The following SLC24A3 variants were observed in gnomAD, a reference collection of about 807,000 sequenced individuals.
SLC24A3 encodes the protein sodium/potassium/calcium exchanger 3.
In SLC24A3, 28 loss-of-function variants were observed where a neutral mutation model predicts 75.8. The observed-to-expected ratio is 0.37, with a 90% CI of 0.27 to 0.51. The LOEUF (loss-of-function observed/expected upper bound fraction) is 0.51, where lower values mean the gene tolerates loss of function less well. SLC24A3 is among the 20% of genes least tolerant of loss of function. The pLI, the probability that SLC24A3 is intolerant of heterozygous loss-of-function variation, is 0.94. For missense variants in SLC24A3, 663 were observed against 847.8 expected, an observed-to-expected ratio of 0.78 and a Z score of 2.71; for synonymous variants, 372 against 334.1, an observed-to-expected ratio of 1.11 and a Z score of -1.24.
chr20:19,271,843 G>A (rs1374716773), intron 1 of SLC24A3, among the ~76,000 whole-genome samples: 3 of 152,246 alleles, frequency 2.0e-5, no homozygotes, highest in South Asian at 2.1e-4. Context: ...GTGGGAATGG[G>A]GTGAGGGATA....
intron 2 of SLC24A3, among the ~76,000 whole-genome samples, chr20:19,328,161 C>G (rs1186227151): frequency 1.3e-5 from 2 of 151,974 alleles, no homozygotes; most frequent in Non-Finnish European, 1.5e-5. Context: ...GGGATGGAAG[C>G]ACGCTTGGTG....
intron 2 of SLC24A3, among the ~76,000 whole-genome samples, chr20:19,388,976 C>A (rs760774013): frequency 1.3e-5 from 2 of 151,810 alleles, no homozygotes; most frequent in Non-Finnish European, 2.9e-5. Flanking sequence ...TGTAGTGATG[C>A]GCTTTGATTC....
At chr20:19,345,388 A>T (rs1985367666) in intron 2 of SLC24A3, among the ~76,000 whole-genome samples, 1 of 152,246 alleles carries the variant, frequency 6.6e-6, no homozygotes, top group Admixed American at 6.5e-5. Context: ...TTTTGTGGAT[A>T]TCCACAAAGT....
intron 2 of SLC24A3, among the ~76,000 whole-genome samples, chr20:19,466,021 A>G (rs1249957718): frequency 6.6e-6 from 1 of 152,138 alleles, no homozygotes; most frequent in African/African-American, 2.4e-5. Context: ...CTTATTTTGT[A>G]TTTGATTTCC....
chr20:19,509,957 C>T (rs182460460), intron 2 of SLC24A3, among the ~76,000 whole-genome samples: 13 of 152,322 alleles, frequency 8.5e-5, no homozygotes, highest in Non-Finnish European at 7.3e-5. Context: ...CAGGCTGACC[C>T]CTTCCTTAGG....
chr20:19,215,543 C>T (rs1368578487), intron 1 of SLC24A3, among the ~76,000 whole-genome samples: 2 of 152,080 alleles, frequency 1.3e-5, no homozygotes, highest in Non-Finnish European at 2.9e-5. Flanking sequence ...CTCAGAAGCT[C>T]GTTTTCTAAC....
At chr20:19,663,080 T>C (rs769977108) in intron 7 of SLC24A3, among the ~76,000 whole-genome samples, 48 of 151,960 alleles carry the variant, frequency 3.2e-4, no homozygotes, top group Non-Finnish European at 6.2e-4. Context: ...TGTTTAGAGT[T>C]TTTTTAGAGA....
chr20:19,407,178 A>C (rs1986661956), intron 2 of SLC24A3, among the ~76,000 whole-genome samples: 1 of 152,210 alleles, frequency 6.6e-6, no homozygotes, highest in African/African-American at 2.4e-5. Flanking sequence ...GGAGGCATCC[A>C]AGGACTGGAG....
At chr20:19,672,042 C>T (rs774460635) in intron 8 of SLC24A3, among the ~76,000 whole-genome samples, 2 of 151,986 alleles carry the variant, frequency 1.3e-5, no homozygotes, top group Admixed American at 6.6e-5. Context: ...ACCAGGAAAT[C>T]GAACAGGATG....
intron 1 of SLC24A3, among the ~76,000 whole-genome samples, chr20:19,235,978 T>G (rs1982154518): frequency 6.6e-6 from 1 of 152,246 alleles, no homozygotes; most frequent in South Asian, 2.1e-4. Flanking sequence ...TTTCACTCTT[T>G]GAACACTTGT....
intron 2 of SLC24A3, among the ~76,000 whole-genome samples, chr20:19,315,990 A>C (rs1984575824): frequency 6.6e-6 from 1 of 152,190 alleles, no homozygotes; most frequent in African/African-American, 2.4e-5. Flanking sequence ...TTTTTATTAC[A>C]AAGTGTTGAA....
chr20:19,253,382 G>A (rs1357338515), intron 1 of SLC24A3, among the ~76,000 whole-genome samples: 2 of 152,244 alleles, frequency 1.3e-5, no homozygotes, highest in African/African-American at 4.8e-5. Flanking sequence ...ACAGGCTCAT[G>A]TTGCCCTTGC....
At chr20:19,538,920 A>G (rs1303253160) in intron 3 of SLC24A3, among the ~76,000 whole-genome samples, 4 of 152,266 alleles carry the variant, frequency 2.6e-5, no homozygotes, top group Admixed American at 2.6e-4. Context: ...GCTATGCAAC[A>G]ATGGTGATAA....
chr20:19,713,455 A>T (rs144682844), intron 15 of SLC24A3, among the ~76,000 whole-genome samples: 35 of 152,136 alleles, frequency 2.3e-4, no homozygotes, highest in African/African-American at 8.4e-4. Flanking sequence ...TTCCAACCTC[A>T]CTCTGACCAG....
At chr20:19,690,030 C>CA (rs538406361) in intron 12 of SLC24A3, among the ~76,000 whole-genome samples, 9,905 of 87,660 alleles carry the variant, frequency 0.11, 950 homozygotes, top group East Asian at 0.24. Context: ...GACTCTGTCT[C>CA]AAAAAAAAAA....
chr20:19,273,046 T>A (rs1983377734), intron 1 of SLC24A3, among the ~76,000 whole-genome samples: 1 of 152,144 alleles, frequency 6.6e-6, no homozygotes, highest in Non-Finnish European at 1.5e-5. Context: ...CCAGCTTGCC[T>A]CGATCTGCCC....
chr20:19,326,981 G>A (rs1369530892), intron 2 of SLC24A3, among the ~76,000 whole-genome samples: 1 of 152,154 alleles, frequency 6.6e-6, no homozygotes, highest in African/African-American at 2.4e-5. Context: ...AGAAGACTTT[G>A]CTCTGGGAAA....
chr20:19,322,966 G>A (rs1218202607), intron 2 of SLC24A3, among the ~76,000 whole-genome samples: 2 of 152,080 alleles, frequency 1.3e-5, no homozygotes, highest in Admixed American at 1.3e-4. Context: ...CAGCACTTTG[G>A]GAGGCCGAGG....
At chr20:19,615,692 G>A (rs1414610757) in intron 6 of SLC24A3, among the ~76,000 whole-genome samples, 8 of 152,206 alleles carry the variant, frequency 5.3e-5, no homozygotes, top group Non-Finnish European at 2.9e-5. Context: ...AGAACAAGAG[G>A]GGATAGCTTT....
Sources: gnomAD v4.1 joint callset for allele counts (sites outside exome capture counted in the v4.1 genomes callset) on GRCh38, gnomAD v4.1.1 for gene constraint, MANE v1.5 for transcripts, NCBI Gene and HGNC (gene_info 2026-07-23, HGNC 2026-07-21) for gene names.